The following MCTP1 variants were observed in gnomAD, a reference collection of about 807,000 sequenced individuals.
The protein encoded by MCTP1 is multiple C2 and transmembrane domain-containing protein 1.
MCTP1 carries 69 observed loss-of-function variants against 120.6 expected under a neutral mutation model. The ratio of observed to expected loss-of-function variants is 0.57; its 90% CI spans 0.47 to 0.70. The LOEUF is 0.70. MCTP1 is among the 30% of genes least tolerant of loss of function. The pLI is 0.00. For missense variants in MCTP1, 1,203 were observed against 1,248.8 expected (o/e 0.96, Z 0.55); for synonymous variants, 529 against 493.1 (o/e 1.07, Z -0.96).
chr5:94,811,277 C>T (rs570385681), intron 17 of MCTP1, among the ~76,000 whole-genome samples: 98 of 152,278 alleles, frequency 6.4e-4, no homozygotes, highest in East Asian at 1.2e-3. Flanking sequence ...AGTTACTGCA[C>T]GGGAAGCCTA....
chr5:95,080,425 A>G (rs1053694058), intron 1 of MCTP1, among the ~76,000 whole-genome samples: 1 of 152,228 alleles, frequency 6.6e-6, no homozygotes, highest in African/African-American at 2.4e-5. Flanking sequence ...TAATGAAACA[A>G]TCTCCAAGCA....
At chr5:95,120,831 C>T (rs1758165488) in intron 1 of MCTP1, among the ~76,000 whole-genome samples, 1 of 152,140 alleles carries the variant, frequency 6.6e-6, no homozygotes, top group Non-Finnish European at 1.5e-5. Context: ...GAAGTCCTAG[C>T]TGGAGCAGTC....
At chr5:95,055,583 T>C (rs1192263070) in intron 1 of MCTP1, among the ~76,000 whole-genome samples, 1 of 152,232 alleles carries the variant, frequency 6.6e-6, no homozygotes, top group African/African-American at 2.4e-5. Context: ...GTGCTTCAGC[T>C]CAGACAATCC....
intron 1 of MCTP1, among the ~76,000 whole-genome samples, chr5:95,217,742 T>C (rs1373917915): frequency 1.3e-5 from 2 of 152,196 alleles, no homozygotes; most frequent in Non-Finnish European, 2.9e-5. Flanking sequence ...AATATATTAA[T>C]AAAATACATA....
At chr5:94,905,344 A>G (rs1806553577) in intron 10 of MCTP1, among the ~76,000 whole-genome samples, 1 of 152,232 alleles carries the variant, frequency 6.6e-6, no homozygotes, top group African/African-American at 2.4e-5. Context: ...ATTATGATGC[A>G]AAACAATTAA....
intron 17 of MCTP1, among the ~76,000 whole-genome samples, chr5:94,848,067 A>G (rs939489535): frequency 3.3e-5 from 5 of 152,062 alleles, no homozygotes; most frequent in Non-Finnish European, 7.4e-5. Flanking sequence ...CAGATGATCT[A>G]CATTTGTAGC....
At chr5:94,972,462 G>A (rs144702227) in intron 2 of MCTP1, among the ~76,000 whole-genome samples, 60 of 152,114 alleles carry the variant, frequency 3.9e-4, no homozygotes, top group African/African-American at 1.4e-3. Flanking sequence ...AGCAACAGGT[G>A]TGGCCATGTA....
At chr5:95,179,541 C>G (rs188325842) in intron 1 of MCTP1, among the ~76,000 whole-genome samples, 2 of 152,028 alleles carry the variant, frequency 1.3e-5, no homozygotes, top group Non-Finnish European at 2.9e-5. Flanking sequence ...TTAAACAAAA[C>G]AATTATCAAC....
chr5:95,063,279 A>C (rs762914148), intron 1 of MCTP1, among the ~76,000 whole-genome samples: 3 of 152,156 alleles, frequency 2.0e-5, no homozygotes, highest in Non-Finnish European at 4.4e-5. Context: ...AAACCTTCCA[A>C]CCTCAAACAC....
intron 1 of MCTP1, among the ~76,000 whole-genome samples, chr5:95,137,130 C>T (rs894819156): frequency 6.6e-6 from 1 of 152,154 alleles, no homozygotes. Context: ...ATGTTATAAG[C>T]AACAGCCTTA....
chr5:94,828,046 T>C (rs1381418352), intron 17 of MCTP1, among the ~76,000 whole-genome samples: 2 of 152,098 alleles, frequency 1.3e-5, no homozygotes, highest in African/African-American at 4.8e-5. Flanking sequence ...GCATTCTGGT[T>C]TTTGGAATTT....
intron 2 of MCTP1, among the ~76,000 whole-genome samples, chr5:95,004,529 G>A (rs1048499934): frequency 3.3e-5 from 5 of 152,188 alleles, no homozygotes; most frequent in Non-Finnish European, 7.3e-5. Context: ...ATGGTTTAGG[G>A]GGCCAGACCC....
At chr5:94,778,431 C>T (rs1775893548) in intron 19 of MCTP1, among the ~76,000 whole-genome samples, 1 of 152,070 alleles carries the variant, frequency 6.6e-6, no homozygotes, top group Admixed American at 6.6e-5. Context: ...TGCAGTGGTG[C>T]AAGATCATTC....
intron 12 of MCTP1, among the ~76,000 whole-genome samples, chr5:94,881,242 G>A (rs933331012): frequency 5.9e-5 from 9 of 152,062 alleles, no homozygotes; most frequent in Admixed American, 3.3e-4. Flanking sequence ...TTCTCAACTC[G>A]TTAATGTCAA....
intron 8 of MCTP1, among the ~76,000 whole-genome samples, chr5:94,916,317 C>G (rs530623472): frequency 1.1e-3 from 161 of 152,250 alleles, no homozygotes; most frequent in African/African-American, 3.8e-3. Flanking sequence ...CAATTTCTGG[C>G]TATATGCTTG....
At chr5:94,722,202 G>A (rs925879560) in intron 19 of MCTP1, among the ~76,000 whole-genome samples, 7 of 152,044 alleles carry the variant, frequency 4.6e-5, no homozygotes, top group Non-Finnish European at 7.4e-5. Flanking sequence ...TTACATATTC[G>A]AAGAATCCTG....
At chr5:95,237,683 A>G (rs1755705980) in intron 1 of MCTP1, among the ~76,000 whole-genome samples, 1 of 152,208 alleles carries the variant, frequency 6.6e-6, no homozygotes, top group African/African-American at 2.4e-5. Context: ...CCTTTGATTC[A>G]TTAATAAAAC....
chr5:94,882,674 G>T (rs923649839), intron 12 of MCTP1, among the ~76,000 whole-genome samples: 6 of 152,092 alleles, frequency 3.9e-5, no homozygotes, highest in African/African-American at 1.4e-4. Context: ...GGATCATTTT[G>T]TAATCTTTGT....
At chr5:94,966,880 C>T (rs1372224832) in intron 2 of MCTP1, among the ~76,000 whole-genome samples, 2 of 151,748 alleles carry the variant, frequency 1.3e-5, no homozygotes, top group African/African-American at 2.4e-5. Context: ...AGTGCTTTTT[C>T]TTGCACATGA....
Sources: gnomAD v4.1 joint callset for allele counts (sites outside exome capture counted in the v4.1 genomes callset) on GRCh38, gnomAD v4.1.1 for gene constraint, MANE v1.5 for transcripts, NCBI Gene and HGNC (gene_info 2026-07-23, HGNC 2026-07-21) for gene names.